Variants in PARVA observed in about 807,000 individuals in gnomAD.
The protein encoded by PARVA is parvin alpha.
PARVA carries 25 observed loss-of-function variants against 52.6 expected under a neutral mutation model. The ratio of observed to expected loss-of-function variants is 0.48; its 90% confidence interval spans 0.35 to 0.66. PARVA has a LOEUF of 0.66. Ranked by LOEUF, PARVA falls within the 30% of genes least tolerant of loss-of-function variation. The pLI is 0.01. For synonymous variants in PARVA, 185 were observed against 179.1 expected (o/e 1.03, Z -0.26); for missense variants, 373 against 450.9 (o/e 0.83, Z 1.56).
At chr11:12,458,620 A>G (rs912986783) in intron 1 of PARVA, among the ~76,000 whole-genome samples, 9 of 152,190 alleles carry the variant, frequency 5.9e-5, no homozygotes, top group African/African-American at 2.2e-4. Context: ...GGGAAAGGGG[A>G]GAAAGACTCT....
intron 1 of PARVA, among the ~76,000 whole-genome samples, chr11:12,413,516 C>T (rs879731907): frequency 1.3e-5 from 2 of 152,278 alleles, no homozygotes; most frequent in South Asian, 2.1e-4. Flanking sequence ...TGCTAGAATG[C>T]GATATGGTTT....
intron 1 of PARVA, among the ~76,000 whole-genome samples, chr11:12,447,296 G>C (rs1011261709): frequency 1.3e-5 from 2 of 152,194 alleles, no homozygotes; most frequent in South Asian, 4.1e-4. Context: ...CAGGAGAGGA[G>C]ATAATTCATT....
chr11:12,432,767 G>A (rs1166762097), intron 1 of PARVA, among the ~76,000 whole-genome samples: 11 of 152,214 alleles, frequency 7.2e-5, no homozygotes, highest in Admixed American at 6.5e-4. Flanking sequence ...GTGGAGAGCT[G>A]TTCTAGCACA....
At chr11:12,501,618 T>G (rs1941364325) in intron 5 of PARVA, among the ~76,000 whole-genome samples, 1 of 152,224 alleles carries the variant, frequency 6.6e-6, no homozygotes, top group Non-Finnish European at 1.5e-5. Flanking sequence ...ATTTAAAAGT[T>G]TGAAAAATGC....
intron 5 of PARVA, among the ~76,000 whole-genome samples, chr11:12,501,289 C>A (rs916455711): frequency 6.6e-6 from 1 of 151,824 alleles, no homozygotes; most frequent in African/African-American, 2.4e-5. Flanking sequence ...GTATATTACA[C>A]ACATATACAC....
chr11:12,476,591 T>G (rs558838342), intron 3 of PARVA, among the ~76,000 whole-genome samples: 1 of 152,216 alleles, frequency 6.6e-6, no homozygotes, highest in East Asian at 1.9e-4. Context: ...TTGGGGCCTC[T>G]TCTCTACTCT....
At chr11:12,502,963 T>C (rs141645760) in intron 5 of PARVA, among the ~76,000 whole-genome samples, 121 of 152,204 alleles carry the variant, frequency 7.9e-4, no homozygotes, top group African/African-American at 2.8e-3. Flanking sequence ...AAGTGGTAGA[T>C]TATAAAGTTA....
intron 1 of PARVA, among the ~76,000 whole-genome samples, chr11:12,407,291 T>C (rs754500894): frequency 9.9e-5 from 15 of 152,172 alleles, no homozygotes; most frequent in Non-Finnish European, 1.9e-4. Flanking sequence ...GGCTTATTTC[T>C]GATGTTTCAG....
intron 4 of PARVA, among the ~76,000 whole-genome samples, chr11:12,489,038 C>T (rs1413166833): frequency 1.3e-5 from 2 of 151,814 alleles, no homozygotes; most frequent in African/African-American, 4.8e-5. Flanking sequence ...AACTGTTGAG[C>T]TATAGACTGG....
intron 1 of PARVA, among the ~76,000 whole-genome samples, chr11:12,407,936 A>AGCAGGGAG (rs1939937509): frequency 6.6e-6 from 1 of 152,266 alleles, no homozygotes; most frequent in Admixed American, 6.5e-5. Flanking sequence ...TCTGTTGTTC[A>AGCAGGGAG]GGAACCTGCG....
At chr11:12,438,897 G>A (rs1365621140) in intron 1 of PARVA, among the ~76,000 whole-genome samples, 1 of 152,150 alleles carries the variant, frequency 6.6e-6, no homozygotes, top group African/African-American at 2.4e-5. Context: ...TCAATTCCAG[G>A]AAAATTTGGA....
At chr11:12,408,694 C>T (rs1051249257) in intron 1 of PARVA, among the ~76,000 whole-genome samples, 1 of 152,144 alleles carries the variant, frequency 6.6e-6, no homozygotes, top group Non-Finnish European at 1.5e-5. Flanking sequence ...ATTTACTAAG[C>T]CCTATGTTAG....
chr11:12,415,961 A>G (rs1311754693), intron 1 of PARVA, among the ~76,000 whole-genome samples: 1 of 152,226 alleles, frequency 6.6e-6, no homozygotes. Flanking sequence ...GTTGGCACTA[A>G]TCTATGCTTG....
intron 1 of PARVA, among the ~76,000 whole-genome samples, chr11:12,449,480 A>G (rs903224450): frequency 2.0e-5 from 3 of 152,202 alleles, no homozygotes; most frequent in African/African-American, 7.2e-5. Context: ...TAAAATGGTC[A>G]TGAAGCACCA....
In PARVA at chr11:12,516,325, C is replaced by T. The variant is rs1198994191; in HGVS notation, c.868-1285C>T. On this transcript the variant is annotated intron_variant, in intron 10 of 12. Coordinates refer to ENST00000334956, the MANE Select transcript of PARVA (RefSeq NM_018222.5). ...ATACACTCATAAACATTTGGTGGCC[C>T]AGCCTCCTTTGAAAGGGTTCTAGAA... Among the ~76,000 whole-genome samples the T allele has an allele frequency of 2.6e-5, 4 of 152,312 alleles. No homozygotes were observed. In the East Asian group the frequency reaches 7.7e-4, roughly 29 times the overall value.
chr11:12,472,157 T>C (rs968220672), intron 1 of PARVA, among the ~76,000 whole-genome samples: 14 of 152,244 alleles, frequency 9.2e-5, no homozygotes, highest in African/African-American at 3.4e-4. Context: ...CTGGGCCACA[T>C]TGGAAGGAGG....
At chr11:12,460,074 G>A (rs1240309641) in intron 1 of PARVA, among the ~76,000 whole-genome samples, 1 of 152,184 alleles carries the variant, frequency 6.6e-6, no homozygotes, top group Non-Finnish European at 1.5e-5. Context: ...GTGTTCCCAT[G>A]CCTTCACAAC....
rs1037738003 is a variant in PARVA, at chr11:12,529,778, C to T, written c.*1853C>T. 1.3e-4 allele frequency: 20 copies of T among 152,198 alleles called. No individual in the cohort carries two copies. Among genetic ancestry groups the T allele is most frequent in the African/African-American group, 4.8e-4 (20 of 41,452 alleles). The allele number at this position is 152,198 out of a possible 1,614,324, so 9.4% of individuals were successfully genotyped here. On this transcript the variant is annotated 3_prime_UTR_variant, in exon 13 of 13. Transcript: ENST00000334956. ...TACATGTCTTTGCTCTTAGAATTGT[C>T]ACTCAGCATAATGAGCATTTAACAT...
intron 12 of PARVA, among the ~76,000 whole-genome samples, chr11:12,525,733 A>G (rs537250213): frequency 1.3e-5 from 2 of 151,964 alleles, no homozygotes; most frequent in South Asian, 2.1e-4. Flanking sequence ...AGAGGCTCAG[A>G]TATGTGATGA....
Sources: gnomAD v4.1 joint callset for allele counts (sites outside exome capture counted in the v4.1 genomes callset) on GRCh38, gnomAD v4.1.1 for gene constraint, MANE v1.5 for transcripts, NCBI Gene and HGNC (gene_info 2026-07-23, HGNC 2026-07-21) for gene names.